RPAP1: variants seen among roughly 807,000 people sequenced by gnomAD.
The protein encoded by RPAP1 is RNA polymerase II-associated protein 1.
In RPAP1, 109 loss-of-function variants were observed where a neutral mutation model predicts 142.4. The observed-to-expected ratio is 0.77, with a 90% CI of 0.66 to 0.90. The LOEUF is 0.90. RPAP1 is among the 40% of genes least tolerant of loss of function. RPAP1 has a pLI of 0.00. For synonymous variants in RPAP1, 704 were observed against 738.9 expected (o/e 0.95, Z 0.77); for missense variants, 1,546 against 1,751.7 (o/e 0.88, Z 2.10).
At position 41,520,535 on chromosome 15, in the gene RPAP1, A is replaced by G. The variant is rs769027711; in HGVS notation, c.3651T>C (p.His1217=). 1 of 1,614,060 alleles carries G rather than the reference A, an allele frequency of 6.2e-7. No homozygotes were observed. The highest frequency in any genetic ancestry group is 1.3e-5 in the African/African-American group (1 of 74,926). ...GGTCCCCAAAAGAGACAGCCTCAAA[A>G]TGATCCAGGAAGTTGGCATAGAGGT... ...FPDLYANFLD[H]FEAVSFGDHL... The change falls in exon 22 of 25, where the codon CAT becomes CAC. Residue 1217 remains histidine (H), a synonymous_variant. Coordinates refer to ENST00000304330, the MANE Select transcript of RPAP1 (RefSeq NM_015540.4).
At position 41,537,004 on chromosome 15, in the gene RPAP1, C is replaced by T. The variant is rs545307809; in HGVS notation, c.122G>A (p.Gly41Asp). ...CGGAGGCCGGTCTGAGTTGGCATCACCACCGCCCCTATTTCCTTTCTTCAC... is the reference window on the plus strand; with the variant it reads ...CGGAGGCCGGTCTGAGTTGGCATCATCACCGCCCCTATTTCCTTTCTTCAC... ...QLVKKGNRGG[G>D]DANSDRPPLQ... Residue 41 changes from glycine (G) to aspartate (D), a missense_variant, in exon 2 of 25, where the codon GGT (glycine) becomes GAT (aspartate). Gly to Asp is a moderately conservative substitution (Grantham distance 94). Transcript: ENST00000304330. 6 of 1,614,120 alleles carry T rather than the reference C, an allele frequency of 3.7e-6. No homozygotes were observed. The East Asian group carries it at 1.3e-4, about 36-fold the overall frequency.
At chr15:41,530,658 C>A (rs1239659050) in intron 7 of RPAP1, among the ~76,000 whole-genome samples, 1 of 152,162 alleles carries the variant, frequency 6.6e-6, no homozygotes, top group East Asian at 1.9e-4. Context: ...TGCCATCTTT[C>A]CCCCAGCACT....
rs775015116 is a variant in RPAP1 at position 41,522,206 on chromosome 15, G to C, written c.2787C>G (p.Leu929=). The C allele has an allele frequency of 1.9e-6, 3 of 1,614,092 alleles. No individual in the cohort carries two copies. The South Asian group carries it at 3.3e-5, about 18-fold the overall frequency. ...GGGCAGCCCCAGGAGCCACACACTG[G>C]AGGAAGTAATTCTGGAGTCCCGGGG... ...LAAPGLQNYF[L]QCVAPGAAPH... is the part of the protein sequence containing the mutation. Residue 929 remains leucine (L), a synonymous_variant, in exon 20 of 25, where the codon CTC becomes CTG. Transcript: ENST00000304330.
chr15:41,529,530 C>T lies in RPAP1; in HGVS notation c.1098G>A (p.Leu366=). ...QARFSLQGEL[L]APDVDLPTHL... ...GGGTGGGCAGGTCCACGTCAGGGGC[C>T]AGTAGTTCTCCCTGAAGACTGAATC... The change falls in exon 9 of 25, where the codon CTG becomes CTA. Residue 366 remains leucine (L), a synonymous_variant. Coordinates refer to ENST00000304330, the MANE Select transcript of RPAP1 (RefSeq NM_015540.4). 1 of 1,613,516 alleles carries T rather than the reference C, an allele frequency of 6.2e-7. No individual in the cohort carries two copies. Among genetic ancestry groups the T allele is most frequent in the Non-Finnish European group, 8.5e-7 (1 of 1,179,702 alleles).
intron 5 of RPAP1, 93 bp downstream of exon 5, chr15:41,535,419 C>T: frequency 6.8e-7 from 1 of 1,474,722 alleles, no homozygotes; most frequent in Non-Finnish European, 9.1e-7. Context: ...AAATGCACCT[C>T]TCATTTGAGG....
intron 11 of RPAP1, 23 bp downstream of exon 11, chr15:41,527,837 C>G (rs1360352977): frequency 6.8e-6 from 11 of 1,613,484 alleles, no homozygotes; most frequent in Admixed American, 1.7e-5. Context: ...CCAGCCCAAG[C>G]CCCATTCCTA....
At chr15:41,540,567 C>T (rs1236472190) in intron 1 of RPAP1, among the ~76,000 whole-genome samples, 1 of 152,212 alleles carries the variant, frequency 6.6e-6, no homozygotes, top group Non-Finnish European at 1.5e-5. Flanking sequence ...TCCCAAAGTG[C>T]TGGGATTACA....
At chr15:41,543,350 C>T (rs192291992) in intron 1 of RPAP1, among the ~76,000 whole-genome samples, 1 of 152,034 alleles carries the variant, frequency 6.6e-6, no homozygotes, top group Non-Finnish European at 1.5e-5. Flanking sequence ...GCTGGGATTA[C>T]AGGCGCCTGC....
At chr15:41,519,422 G>A (rs938315264) in intron 22 of RPAP1, among the ~76,000 whole-genome samples, 2 of 151,666 alleles carry the variant, frequency 1.3e-5, no homozygotes, top group African/African-American at 2.4e-5. Flanking sequence ...TGTTGGCCAG[G>A]CTGGTCTCAA....
At position 41,518,042 on chromosome 15, in the gene RPAP1, G is replaced by A. The variant is rs1163854048; in HGVS notation, c.3936C>T (p.Val1312=). 1 of 1,614,040 alleles carries A rather than the reference G, an allele frequency of 6.2e-7. No homozygotes were observed. Among genetic ancestry groups the A allele is most frequent in the Admixed American group, 1.7e-5 (1 of 59,974 alleles). Residue 1312 remains valine, a synonymous_variant, in exon 23 of 25, where the codon GTC becomes GTT. Transcript: ENST00000304330. ...PVLYAVAVAH[V]NSFIFSQDPQ... ...GGTCCTGAGAGAAGATGAAGCTATT[G>A]ACATGAGCCACAGCCACAGCATAGA...
chr15:41,535,985 A>T, intron 4 of RPAP1, 144 bp downstream of exon 4: 1 of 643,200 alleles, frequency 1.6e-6, no homozygotes, highest in Non-Finnish European at 2.7e-6. Flanking sequence ...AGATTAAAAG[A>T]AGTAATGGGT....
intron 1 of RPAP1, among the ~76,000 whole-genome samples, chr15:41,543,394 G>T (rs913188514): frequency 8.6e-5 from 13 of 151,554 alleles, no homozygotes; most frequent in African/African-American, 3.2e-4. Flanking sequence ...TATTTTTTTA[G>T]TACAGACGGG....
rs777136344 is a variant in RPAP1 at position 41,524,169 on chromosome 15, G to A, written c.2161C>T (p.Arg721Trp). The change falls in exon 16 of 25, where the codon CGG becomes TGG. Residue 721 changes from arginine to tryptophan, a missense_variant. Around this residue, in one of 3 missense-constraint regions of RPAP1, gnomAD observed 1,333 missense variants for 1,486.6 expected, o/e 0.90. Coordinates refer to ENST00000304330, the MANE Select transcript of RPAP1 (RefSeq NM_015540.4). ...AGGAGAGTGAGCAGTGAGGCTATCC[G>A]CTGCATGGACAGGGGTTGAGGTGGG... ...THPPQPLSMQRIASLLTLLTQ... is the reference protein window; with the variant it reads ...THPPQPLSMQWIASLLTLLTQ... 2.5e-6 allele frequency: 4 copies of A among 1,597,636 alleles called. No individual in the cohort carries two copies. The highest frequency in any genetic ancestry group is 2.2e-5 in the East Asian group (1 of 44,708).
chr15:41,523,942 G>A lies in RPAP1; in HGVS notation c.2265C>T (p.Thr755=), dbSNP rs1363285505. The A allele has an allele frequency of 3.1e-6, 5 of 1,611,436 alleles. No individual in the cohort carries two copies. The highest frequency in any genetic ancestry group is 3.4e-6 in the Non-Finnish European group (4 of 1,178,776). Residue 755 remains threonine, a synonymous_variant, in exon 17 of 25, where the codon ACC becomes ACT. Transcript: ENST00000304330. ...SDSAEASLSA[T]PSLVTWTQVS... is the part of the protein sequence containing the mutation. ...CCTGTGTCCAAGTGACTAAGGAAGG[G>A]GTGGCCGAGAGGCTGGCCTCAGCAG...
chr15:41,525,635 C>A (rs574818652), intron 14 of RPAP1, among the ~76,000 whole-genome samples: 1 of 150,316 alleles, frequency 6.7e-6, no homozygotes, highest in Non-Finnish European at 1.5e-5. Flanking sequence ...CCGCACCCAG[C>A]CCCTATTATT....
intron 1 of RPAP1, among the ~76,000 whole-genome samples, chr15:41,538,530 A>AT (rs1555394350): frequency 2.7e-3 from 2 of 730 alleles, no homozygotes; most frequent in Non-Finnish European, 2.8e-3. Context: ...AAGAAAAAAC[A>AT]AAAAAAATCA....
rs1409733612 is a variant in RPAP1, at chr15:41,529,891, G to A, written c.1032C>T (p.Pro344=). The change falls in exon 8 of 25, where the codon CCC becomes CCT. Residue 344 remains proline, a synonymous_variant. Coordinates refer to ENST00000304330, the MANE Select transcript of RPAP1 (RefSeq NM_015540.4). The part of the protein sequence containing the change: ...LEKLHWTQDL[P]PVRRQQTQER... ...CCTGTGTCTGCTGCCGCCGGACAGG[G>A]GGCAAGTCCTGGGTCCAGTGGAGCT... 3.7e-6 allele frequency: 6 copies of A among 1,612,062 alleles called. No homozygotes were observed. The highest frequency in any genetic ancestry group is 5.1e-6 in the Non-Finnish European group (6 of 1,179,070).
chr15:41,528,647 G>C (rs897578517), intron 9 of RPAP1, among the ~76,000 whole-genome samples: 1 of 152,196 alleles, frequency 6.6e-6, no homozygotes, highest in African/African-American at 2.4e-5. Flanking sequence ...AAAAGGCAAA[G>C]GCATTTCCTG....
intron 1 of RPAP1, among the ~76,000 whole-genome samples, chr15:41,541,148 C>T (rs1184973596): frequency 1.3e-5 from 2 of 152,040 alleles, no homozygotes; most frequent in African/African-American, 2.4e-5. Flanking sequence ...TAGGGCCGGG[C>T]GCAGTGGCTC....
Sources: gnomAD v4.1 joint callset for allele counts (sites outside exome capture counted in the v4.1 genomes callset) on GRCh38, gnomAD v4.1.1 for gene constraint, gnomAD v4.1.1 regional missense constraint, MANE v1.5 for transcripts, NCBI Gene and HGNC (gene_info 2026-07-23, HGNC 2026-07-21) for gene names.